Variants in ERICH6B observed in about 807,000 individuals in gnomAD.
ERICH6B encodes the protein glutamate rich 6B.
In ERICH6B, 69 loss-of-function variants were observed where a neutral mutation model predicts 80.0. That is an observed-to-expected ratio of 0.86 (90% confidence interval 0.71 to 1.05). The LOEUF (loss-of-function observed/expected upper bound fraction) is 1.05. Ranked by LOEUF, ERICH6B falls within the 50% of genes least tolerant of loss-of-function variation. ERICH6B has a pLI of 0.00. For synonymous variants in ERICH6B, 283 were observed against 291.9 expected (o/e 0.97, Z 0.31); for missense variants, 754 against 796.1 (o/e 0.95, Z 0.64).
At chr13:45,576,084 T>A (rs369371652) in intron 7 of ERICH6B, among the ~76,000 whole-genome samples, 78 of 152,172 alleles carry the variant, frequency 5.1e-4, no homozygotes, top group African/African-American at 1.9e-3. Context: ...ATGTTCTTTG[T>A]GATCTCTACA....
intron 3 of ERICH6B, among the ~76,000 whole-genome samples, chr13:45,595,422 A>G (rs1052815229): frequency 6.6e-6 from 1 of 152,086 alleles, no homozygotes. Context: ...ATATAAATAT[A>G]TAAATAAGTG....
At chr13:45,607,065 GGAA>G (rs1361546508) in intron 2 of ERICH6B, among the ~76,000 whole-genome samples, 1 of 152,112 alleles carries the variant, frequency 6.6e-6, no homozygotes, top group East Asian at 1.9e-4. Flanking sequence ...AGGGCTCTGG[GGAA>G]GCACGCTGTG....
chr13:45,607,670 A>G (rs1347320389), intron 1 of ERICH6B, 55 bp from the exon 2 acceptor site: 4 of 152,278 alleles, frequency 2.6e-5, no homozygotes, highest in Non-Finnish European at 4.4e-5. Flanking sequence ...AGAGAAAAAC[A>G]TATTTCTTAG....
intron 2 of ERICH6B, among the ~76,000 whole-genome samples, chr13:45,597,976 G>A (rs1353894229): frequency 6.6e-6 from 1 of 152,136 alleles, no homozygotes; most frequent in East Asian, 1.9e-4. Context: ...GTCATTTGCT[G>A]CAAAGAGTGT....
At chr13:45,551,146 G>C (rs558575441) in intron 11 of ERICH6B, among the ~76,000 whole-genome samples, 1 of 152,264 alleles carries the variant, frequency 6.6e-6, no homozygotes, top group Non-Finnish European at 1.5e-5. Flanking sequence ...TGCTGTCTCT[G>C]TAGTTACATC....
At chr13:45,590,543 C>T in intron 4 of ERICH6B, 106 bp downstream of exon 4, 1 of 1,072,430 alleles carries the variant, frequency 9.3e-7, no homozygotes, top group Non-Finnish European at 1.3e-6. Flanking sequence ...CTCCTTCTTC[C>T]TCCCCTACTC....
Position 45,568,299 on chromosome 13 carries a change from C to T in ERICH6B, c.1187+16G>A, listed in dbSNP as rs1265735412. 1.3e-6 allele frequency: 2 copies of T among 1,531,946 alleles called. No homozygotes were observed. Among genetic ancestry groups the T allele is most frequent in the Non-Finnish European group, 1.8e-6 (2 of 1,139,050 alleles). 94.9% of individuals were successfully genotyped at this position (1,531,946 alleles called of 1,614,324 possible). On this transcript the variant is annotated intron_variant, in intron 9 of 14. Coordinates refer to ENST00000298738, the MANE Select transcript of ERICH6B (RefSeq NM_182542.3). ...CAAATCCACTGACCAATCACTTGGC[C>T]TCACCAGTTACTTACATAATTACCA...
rs1048594723 is a variant in ERICH6B, at chr13:45,574,814, G to C, written c.1050+28C>G. 2.3e-5 allele frequency: 34 copies of C among 1,508,388 alleles called. No individual in the cohort carries two copies. The Admixed American group carries it at 4.7e-4, about 21-fold the overall frequency. The allele number at this position is 1,508,388 out of a possible 1,614,324, so 93.4% of individuals were successfully genotyped here. A position where few individuals can be genotyped will look rare whatever the true frequency, so the allele number is the denominator to read the frequency against. ...CCCTACATTTGGAGGAAGCTGGGGG[G>C]GGGGTCTCAAGTTTTTATCCAACTT... On this transcript the variant is annotated intron_variant, in intron 8 of 14. Coordinates refer to ENST00000298738, the MANE Select transcript of ERICH6B (RefSeq NM_182542.3).
chr13:45,601,275 G>A (rs1949825437), intron 2 of ERICH6B, among the ~76,000 whole-genome samples: 1 of 152,110 alleles, frequency 6.6e-6, no homozygotes, highest in African/African-American at 2.4e-5. Flanking sequence ...TTACTGTGGG[G>A]CATGGTGGTG....
intron 3 of ERICH6B, among the ~76,000 whole-genome samples, chr13:45,593,597 C>T (rs1174760735): frequency 6.6e-6 from 1 of 152,108 alleles, no homozygotes; most frequent in African/African-American, 2.4e-5. Context: ...AAGTCACTTG[C>T]CCAAGCTCAT....
intron 7 of ERICH6B, among the ~76,000 whole-genome samples, chr13:45,575,624 A>G (rs942139245): frequency 6.6e-6 from 1 of 152,220 alleles, no homozygotes; most frequent in African/African-American, 2.4e-5. Context: ...GCCAATTTCT[A>G]GAATTGCGTA....
At chr13:45,589,671 A>G (rs1876076520) in intron 4 of ERICH6B, among the ~76,000 whole-genome samples, 1 of 152,238 alleles carries the variant, frequency 6.6e-6, no homozygotes, top group South Asian at 2.1e-4. Context: ...GTCTGGCTCC[A>G]AAGCCCCAGT....
At chr13:45,593,900 A>T (rs1361812416) in intron 3 of ERICH6B, among the ~76,000 whole-genome samples, 1 of 152,206 alleles carries the variant, frequency 6.6e-6, no homozygotes, top group African/African-American at 2.4e-5. Flanking sequence ...TGTCATATCT[A>T]GGGCTCATTT....
At chr13:45,554,539 G>A (rs145274454) in intron 11 of ERICH6B, among the ~76,000 whole-genome samples, 3 of 152,252 alleles carry the variant, frequency 2.0e-5, no homozygotes, top group African/African-American at 7.2e-5. Context: ...TCTGTTCGTC[G>A]AATTCACTTG....
At chr13:45,606,053 A>G (rs1949857653) in intron 2 of ERICH6B, among the ~76,000 whole-genome samples, 1 of 152,220 alleles carries the variant, frequency 6.6e-6, no homozygotes, top group South Asian at 2.1e-4. Flanking sequence ...TCTTCTTTCC[A>G]ATCTTTATAA....
intron 7 of ERICH6B, among the ~76,000 whole-genome samples, chr13:45,579,719 C>T (rs11620408): frequency 0.11 from 17,211 of 152,096 alleles, 1,702 homozygotes; most frequent in African/African-American, 0.27. Flanking sequence ...GATGGACTTA[C>T]AGTCCTGTTC....
intron 1 of ERICH6B, among the ~76,000 whole-genome samples, chr13:45,613,746 AC>A (rs1949912361): frequency 6.6e-6 from 1 of 152,206 alleles, no homozygotes; most frequent in African/African-American, 2.4e-5. Flanking sequence ...AATATGAAAC[AC>A]AGAATAAGCT....
intron 1 of ERICH6B, among the ~76,000 whole-genome samples, chr13:45,612,252 A>G (rs1411915690): frequency 1.3e-5 from 2 of 152,068 alleles, no homozygotes; most frequent in African/African-American, 4.8e-5. Context: ...CTTTCCTTCC[A>G]TAAACATTTA....
At chr13:45,553,800 T>A (rs1274632386) in intron 11 of ERICH6B, among the ~76,000 whole-genome samples, 4 of 152,204 alleles carry the variant, frequency 2.6e-5, no homozygotes, top group African/African-American at 9.6e-5. Flanking sequence ...GCTTTTTTCT[T>A]TAAACCTAAA....
Sources: gnomAD v4.1 joint callset for allele counts (sites outside exome capture counted in the v4.1 genomes callset) on GRCh38, gnomAD v4.1.1 for gene constraint, MANE v1.5 for transcripts, NCBI Gene and HGNC (gene_info 2026-07-23, HGNC 2026-07-21) for gene names.